The following TMEM232 variants were observed in gnomAD, a reference collection of about 807,000 sequenced individuals.
The protein encoded by TMEM232 is transmembrane protein 232.
TMEM232 carries 80 observed loss-of-function variants against 78.8 expected under a neutral mutation model. The ratio of observed to expected loss-of-function variants is 1.01; its 90% CI spans 0.85 to 1.22. The LOEUF is 1.22. Ranked by LOEUF, TMEM232 falls within the 50% of genes most tolerant of loss-of-function variation. TMEM232 has a pLI of 0.00. For synonymous variants in TMEM232, 297 were observed against 254.3 expected (o/e 1.17, Z -1.60); for missense variants, 881 against 742.2 (o/e 1.19, Z -2.17).
At chr5:110,479,535 CTG>C (rs1163955084) in intron 12 of TMEM232, among the ~76,000 whole-genome samples, 1 of 151,810 alleles carries the variant, frequency 6.6e-6, no homozygotes. Flanking sequence ...TTTATACAAA[CTG>C]TATTATAAAG....
At chr5:110,710,086 C>T (rs1796316056) in intron 1 of TMEM232, among the ~76,000 whole-genome samples, 1 of 151,714 alleles carries the variant, frequency 6.6e-6, no homozygotes, top group African/African-American at 2.4e-5. Context: ...AGAGACATTG[C>T]AATAGATACC....
At chr5:110,591,451 A>G (rs974132156) in intron 10 of TMEM232, among the ~76,000 whole-genome samples, 15 of 152,170 alleles carry the variant, frequency 9.9e-5, no homozygotes, top group Admixed American at 9.2e-4. Flanking sequence ...CAGATATATA[A>G]TGTATATAGG....
rs531937996 is a variant in TMEM232 at position 110,563,821 on chromosome 5, A to C, written c.1455+4626T>G. On this transcript the variant is annotated intron_variant, in intron 11 of 13. Transcript: ENST00000455884. ...AAGGATAAAGCTGAAGCACAGTTGC[A>C]TAAAAGCACGTCCATGAAATTCAAG... Among the ~76,000 whole-genome samples the C allele has an allele frequency of 3.3e-5, 5 of 152,124 alleles. No homozygotes were observed. In the South Asian group the frequency reaches 1.0e-3, roughly 32 times the overall value.
chr5:110,679,679 T>C (rs563790396), intron 1 of TMEM232, among the ~76,000 whole-genome samples: 4 of 152,290 alleles, frequency 2.6e-5, no homozygotes, highest in African/African-American at 7.2e-5. Flanking sequence ...TGTTTTGTTA[T>C]GATTGAGGAA....
rs953056850 is a variant in TMEM232 at position 110,702,898 on chromosome 5, C to A, written c.-13+23729G>T. On this transcript the variant is annotated intron_variant, in intron 1 of 13. Transcript: ENST00000455884. ...CTAATATTTACACTGACAGACGTTA[C>A]ATGTAGCTCATGACCTTGGAATGTT... 8.5e-5 allele frequency among the ~76,000 whole-genome samples: 13 copies of A among 152,136 alleles called. No individual in the cohort carries two copies. The South Asian group carries it at 1.0e-3, about 12-fold the overall frequency.
chr5:110,715,468 AC>A (rs1214196910), intron 1 of TMEM232, among the ~76,000 whole-genome samples: 1 of 152,200 alleles, frequency 6.6e-6, no homozygotes, highest in African/African-American at 2.4e-5. Flanking sequence ...AGAACTGAAC[AC>A]TGAATGTCAC....
chr5:110,726,117 C>CAG (rs1295476662), intron 1 of TMEM232, among the ~76,000 whole-genome samples: 5 of 149,494 alleles, frequency 3.3e-5, no homozygotes, highest in Non-Finnish European at 7.4e-5. Flanking sequence ...TTCACACACA[C>CAG]ACACACACAC....
intron 12 of TMEM232, among the ~76,000 whole-genome samples, chr5:110,445,519 C>T (rs555157275): frequency 2.0e-5 from 3 of 152,160 alleles, no homozygotes; most frequent in South Asian, 2.1e-4. Flanking sequence ...TAATGGCCTT[C>T]GTCAGGAGTG....
At chr5:110,422,549 T>C (rs1477723987) in intron 13 of TMEM232, among the ~76,000 whole-genome samples, 1 of 113,796 alleles carries the variant, frequency 8.8e-6, no homozygotes, top group Non-Finnish European at 1.9e-5. Flanking sequence ...AAAAAAAAAA[T>C]TGTGAAAAAT....
intron 10 of TMEM232, among the ~76,000 whole-genome samples, chr5:110,569,137 A>T (rs1345903022): frequency 6.6e-6 from 1 of 151,936 alleles, no homozygotes; most frequent in Non-Finnish European, 1.5e-5. Flanking sequence ...TGAAAAATTC[A>T]TTTCAATAAT....
At chr5:110,517,627 G>A (rs1768868733) in intron 12 of TMEM232, among the ~76,000 whole-genome samples, 1 of 152,110 alleles carries the variant, frequency 6.6e-6, no homozygotes, top group African/African-American at 2.4e-5. Flanking sequence ...CTATGTGAAT[G>A]GTGCAGTGGG....
chr5:110,702,655 A>G (rs1452659001), intron 1 of TMEM232, among the ~76,000 whole-genome samples: 4 of 152,030 alleles, frequency 2.6e-5, no homozygotes, highest in Admixed American at 2.6e-4. Context: ...TGATGTCCAG[A>G]CAGGATTTAC....
rs1774331507 is a variant in TMEM232 at position 110,550,598 on chromosome 5, T to G, written c.1455+17849A>C. ...CCAGAACAAATTCTATATATGCATATATTTGTAAGCATATGATATATATTT... is the reference window on the plus strand; with the variant it reads ...CCAGAACAAATTCTATATATGCATAGATTTGTAAGCATATGATATATATTT... On this transcript the variant is annotated intron_variant, in intron 11 of 13. Coordinates refer to ENST00000455884, the MANE Select transcript of TMEM232 (RefSeq NM_001039763.4). Among the ~76,000 whole-genome samples, 3 of 152,026 alleles carry G rather than the reference T, an allele frequency of 2.0e-5. No homozygotes were observed. In the South Asian group the frequency reaches 6.2e-4, roughly 31 times the overall value.
intron 12 of TMEM232, among the ~76,000 whole-genome samples, chr5:110,426,965 A>G (rs1757307987): frequency 6.6e-6 from 1 of 152,056 alleles, no homozygotes; most frequent in South Asian, 2.1e-4. Context: ...TAAAAAATGT[A>G]GGCAACATAA....
intron 2 of TMEM232, among the ~76,000 whole-genome samples, chr5:110,645,625 G>C (rs1185912549): frequency 5.3e-5 from 8 of 151,482 alleles, no homozygotes; most frequent in Non-Finnish European, 1.0e-4. Flanking sequence ...CATAATTAAT[G>C]AAAGAAAACA....
intron 12 of TMEM232, among the ~76,000 whole-genome samples, chr5:110,480,577 C>T (rs1395483982): frequency 6.6e-6 from 1 of 152,028 alleles, no homozygotes; most frequent in Non-Finnish European, 1.5e-5. Context: ...TCATGGTGCA[C>T]TTCTTGCAAT....
At chr5:110,667,501 G>T (rs1790746407) in intron 1 of TMEM232, 137 bp from the exon 2 acceptor site, 1 of 609,348 alleles carries the variant, frequency 1.6e-6, no homozygotes, top group Middle Eastern at 4.8e-4. Context: ...TATTAAGGAA[G>T]AATTTAAATA....
Position 110,420,355 on chromosome 5 carries a change from G to A in TMEM232, c.*225C>T, listed in dbSNP as rs1386587961. ...ATGTAGTCTTGGAAATTTTTGACTAGTGAAATCACTTCATTCAAGTGTGAT... is the reference window on the plus strand; with the variant it reads ...ATGTAGTCTTGGAAATTTTTGACTAATGAAATCACTTCATTCAAGTGTGAT... On this transcript the variant is annotated 3_prime_UTR_variant, in exon 14 of 14. Transcript: ENST00000455884. The A allele has an allele frequency of 1.1e-5, 4 of 360,256 alleles. No homozygotes were observed. Among genetic ancestry groups the A allele is most frequent in the African/African-American group, 4.2e-5 (2 of 47,274 alleles). 22.3% of individuals were successfully genotyped at this position (360,256 alleles called of 1,614,324 possible). A position where few individuals can be genotyped will look rare whatever the true frequency, so the allele number is the denominator to read the frequency against.
intron 12 of TMEM232, among the ~76,000 whole-genome samples, chr5:110,427,606 A>G (rs1185081004): frequency 6.6e-6 from 1 of 151,968 alleles, no homozygotes; most frequent in African/African-American, 2.4e-5. Flanking sequence ...TCATTCTCTC[A>G]TAGTTCTGGA....
Sources: allele counts gnomAD v4.1 joint callset (sites outside exome capture counted in the v4.1 genomes callset), GRCh38; gene constraint gnomAD v4.1.1; transcripts MANE v1.5; gene names NCBI Gene and HGNC (gene_info 2026-07-23, HGNC 2026-07-21).